Variants in PPM1A observed in about 807,000 individuals in gnomAD.
The protein encoded by PPM1A is protein phosphatase, Mg2+/Mn2+ dependent 1A, also known as protein phosphatase 1A.
In PPM1A, 7 loss-of-function variants were observed where a neutral mutation model predicts 35.0. The observed-to-expected ratio is 0.20, with a 90% CI of 0.11 to 0.38. The LOEUF (loss-of-function observed/expected upper bound fraction) is 0.38. PPM1A is among the 10% of genes least tolerant of loss of function. The pLI is 1.00. For missense variants in PPM1A, 239 were observed against 467.8 expected (o/e 0.51, Z 4.51); for synonymous variants, 153 against 167.3 (o/e 0.91, Z 0.66).
At chr14:60,255,659 G>A (rs116803646) in intron 1 of PPM1A, among the ~76,000 whole-genome samples, 1,907 of 152,322 alleles carry the variant, frequency 0.013, 38 homozygotes, top group African/African-American at 0.039. Context: ...ATTGTTGTAG[G>A]AGGAGGTAGT....
At chr14:60,281,781 A>C (rs1162940652) in intron 1 of PPM1A, among the ~76,000 whole-genome samples, 2 of 152,216 alleles carry the variant, frequency 1.3e-5, no homozygotes, top group Non-Finnish European at 2.9e-5. Context: ...GGATTAGATT[A>C]GCTGAGCCTT....
intron 1 of PPM1A, among the ~76,000 whole-genome samples, chr14:60,262,619 C>T (rs114831746): frequency 6.2e-4 from 95 of 152,230 alleles, no homozygotes; most frequent in African/African-American, 1.2e-3. Context: ...AGGAGCTCCA[C>T]GCTATAGTTT....
intron 3 of PPM1A, chr14:60,287,038 T>C: frequency 1.1e-6 from 1 of 932,896 alleles, no homozygotes; most frequent in Non-Finnish European, 1.3e-6. Flanking sequence ...AAGAATAATA[T>C]GTATAGGGAT....
chr14:60,268,262 GTTCT>G, intron 1 of PPM1A: 2 of 979,912 alleles, frequency 2.0e-6, no homozygotes, highest in South Asian at 9.4e-5. Context: ...TTGAGGGATA[GTTCT>G]TTAATAACTT....
At chr14:60,276,971 TCAAA>T in intron 1 of PPM1A, 2 of 945,910 alleles carry the variant, frequency 2.1e-6, no homozygotes, top group Non-Finnish European at 2.7e-6. Context: ...TCTGATTATA[TCAAA>T]TATTAATTCA....
At chr14:60,287,912 A>C (rs1201193299) in intron 3 of PPM1A, 1 of 985,140 alleles carries the variant, frequency 1.0e-6, no homozygotes, top group Non-Finnish European at 1.2e-6. Context: ...GGTGGAGGGG[A>C]GTGGAAAGGA....
chr14:60,262,078 T>C (rs1883806375), intron 1 of PPM1A, among the ~76,000 whole-genome samples: 2 of 152,232 alleles, frequency 1.3e-5, no homozygotes, highest in South Asian at 4.1e-4. Context: ...TTATATTTTC[T>C]TCAGAATAAT....
Position 60,249,818 on chromosome 14 carries a change from C to A in PPM1A, c.-21+141C>A, listed in dbSNP as rs1445590004. ...GGGAGGAGACGCGACAACTCCACCC[C>A]CTGGCCGGCCTCCTCCCCCGAGCCG... is the stretch of plus-strand genomic sequence containing the variant. On this transcript the variant is annotated intron_variant, in intron 1 of 5. Coordinates refer to ENST00000395076, the MANE Select transcript of PPM1A (RefSeq NM_021003.5). This position sits in a 1 kb window ranked among gnomAD's most constrained non-coding sequence, Gnocchi z 4.5. The A allele has an allele frequency of 5.8e-6, 2 of 345,352 alleles. No homozygotes were observed. The highest frequency in any genetic ancestry group is 4.1e-6 in the Non-Finnish European group (1 of 244,964). The allele number at this position is 345,352 out of a possible 1,614,324, so 21.4% of individuals were successfully genotyped here. A position where few individuals can be genotyped will look rare whatever the true frequency, so the allele number is the denominator to read the frequency against.
intron 1 of PPM1A, among the ~76,000 whole-genome samples, chr14:60,269,177 T>A (rs1360547458): frequency 6.6e-6 from 1 of 152,192 alleles, no homozygotes; most frequent in Non-Finnish European, 1.5e-5. Context: ...AAATTGAAAT[T>A]GCAATTCTTG....
chr14:60,287,007 C>G (rs970492269), intron 3 of PPM1A: 2 of 905,128 alleles, frequency 2.2e-6, no homozygotes, highest in African/African-American at 3.6e-5. Context: ...ACTATTGATT[C>G]ATGGGAAAAT....
chr14:60,257,061 T>C (rs1412062060), intron 1 of PPM1A, among the ~76,000 whole-genome samples: 1 of 152,212 alleles, frequency 6.6e-6, no homozygotes, highest in Non-Finnish European at 1.5e-5. Flanking sequence ...ATTACATTTT[T>C]TAATATTAAA....
In PPM1A at chr14:60,292,319, A is replaced by G; in HGVS notation, c.1120-134A>G. On this transcript the variant is annotated intron_variant, in intron 5 of 5. Coordinates refer to ENST00000395076, the MANE Select transcript of PPM1A (RefSeq NM_021003.5). The surrounding 1 kb of genome is among the most constrained non-coding windows in gnomAD (Gnocchi z 4.2). ...TTCATATGTACACATATATACTTAT[A>G]TACTTTAAAAAACATTTATATTCTA... 1 of 627,324 alleles carries G rather than the reference A, an allele frequency of 1.6e-6. No individual in the cohort carries two copies. The highest frequency in any genetic ancestry group is 2.8e-6 in the Non-Finnish European group (1 of 357,032). The allele number at this position is 627,324 out of a possible 1,614,324, so 38.9% of individuals were successfully genotyped here. A position where few individuals can be genotyped will look rare whatever the true frequency, so the allele number is the denominator to read the frequency against.
At chr14:60,253,559 C>T (rs187043918) in intron 1 of PPM1A, among the ~76,000 whole-genome samples, 3 of 152,220 alleles carry the variant, frequency 2.0e-5, no homozygotes, top group Admixed American at 1.3e-4. Flanking sequence ...TTAACACTTA[C>T]GATTCATAGA....
chr14:60,258,680 T>C (rs902802790), intron 1 of PPM1A, among the ~76,000 whole-genome samples: 1 of 152,050 alleles, frequency 6.6e-6, no homozygotes, highest in Non-Finnish European at 1.5e-5. Context: ...AGATGGAAAA[T>C]GGTAGGATAC....
At chr14:60,245,770 G>C (rs945990354), upstream of PPM1A, 36 of 1,290,924 alleles carry the variant, frequency 2.8e-5, no homozygotes, top group Non-Finnish European at 3.8e-5. The surrounding 1 kb of genome is among the most constrained non-coding windows in gnomAD (Gnocchi z 4.2). Context: ...ATGATGTAGG[G>C]GAGGGAGGAA....
intron 1 of PPM1A, among the ~76,000 whole-genome samples, chr14:60,279,935 ATACTT>A: frequency 6.6e-6 from 1 of 152,282 alleles, no homozygotes; most frequent in South Asian, 2.1e-4. Flanking sequence ...GCTAGACACT[ATACTT>A]TGTGCACTGT....
chr14:60,249,598 C>T lies in PPM1A; in HGVS notation c.-100C>T, dbSNP rs1882078419. On this transcript the variant is annotated 5_prime_UTR_variant, in exon 1 of 6. Transcript: ENST00000395076. The surrounding 1 kb of genome is among the most constrained non-coding windows in gnomAD (Gnocchi z 4.5). The stretch of plus-strand genomic sequence containing the variant: ...ACCCCTCCCCCGGCTGCCGCCGTCG[C>T]CGCCGCGGTGACCCCCTCCCCGGCT... The T allele has an allele frequency of 1.0e-6, 1 of 987,558 alleles. No homozygotes were observed. Among genetic ancestry groups the T allele is most frequent in the Non-Finnish European group, 1.2e-6 (1 of 831,902 alleles). 61.2% of individuals were successfully genotyped at this position (987,558 alleles called of 1,614,324 possible).
At chr14:60,287,763 ATAC>A (rs908334141) in intron 3 of PPM1A, 27 of 982,230 alleles carry the variant, frequency 2.7e-5, no homozygotes, top group Admixed American at 1.2e-4. Flanking sequence ...CTCATAATTT[ATAC>A]TACTATTAAT....
At chr14:60,269,819 G>C (rs1884870880) in intron 1 of PPM1A, among the ~76,000 whole-genome samples, 1 of 152,206 alleles carries the variant, frequency 6.6e-6, no homozygotes, top group South Asian at 2.1e-4. Context: ...AAAGTGCTGG[G>C]ATTATAGGCG....
Sources: allele counts gnomAD v4.1 joint callset (sites outside exome capture counted in the v4.1 genomes callset), GRCh38; gene constraint gnomAD v4.1.1; non-coding constraint Gnocchi (gnomAD v3.1); transcripts MANE v1.5; gene names NCBI Gene and HGNC (gene_info 2026-07-23, HGNC 2026-07-21).